GABRB3: variants seen among roughly 807,000 people sequenced by gnomAD.
GABRB3 encodes the protein gamma-aminobutyric acid type A receptor subunit beta3, also known as gamma-aminobutyric acid receptor subunit beta-3.
GABRB3 carries 14 observed loss-of-function variants against 52.1 expected under a neutral mutation model. That is an observed-to-expected ratio of 0.27 (90% confidence interval 0.18 to 0.42). The LOEUF is 0.42. GABRB3 is among the 10% of genes least tolerant of loss of function. GABRB3 has a pLI of 1.00. For synonymous variants in GABRB3, 260 were observed against 232.3 expected (o/e 1.12, Z -1.08); for missense variants, 307 against 609.1 (o/e 0.50, Z 5.22).
At chr15:26,691,228 C>T (rs1165233871) in intron 3 of GABRB3, among the ~76,000 whole-genome samples, 2 of 152,084 alleles carry the variant, frequency 1.3e-5, no homozygotes, top group African/African-American at 4.8e-5. Context: ...CTCTTTTCCC[C>T]TTTTTAATAT....
intron 3 of GABRB3, among the ~76,000 whole-genome samples, chr15:26,680,189 G>T (rs1888193987): frequency 6.6e-6 from 1 of 152,204 alleles, no homozygotes; most frequent in African/African-American, 2.4e-5. Context: ...GTAGACTAAG[G>T]CTGCAGCATC....
upstream of GABRB3, chr15:26,773,089 A>T: frequency 1.1e-6 from 1 of 940,678 alleles, no homozygotes; most frequent in Non-Finnish European, 1.3e-6. Flanking sequence ...AGGAGGGCGG[A>T]GGGGGAGGGG....
chr15:26,705,450 A>G (rs1889068865), intron 3 of GABRB3, among the ~76,000 whole-genome samples: 1 of 152,254 alleles, frequency 6.6e-6, no homozygotes, highest in Admixed American at 6.5e-5. Flanking sequence ...AGACATAAAC[A>G]TAGTCCAGCC....
intron 3 of GABRB3, among the ~76,000 whole-genome samples, chr15:26,765,819 A>G (rs2140190451): frequency 6.6e-6 from 1 of 152,354 alleles, no homozygotes; most frequent in East Asian, 1.9e-4. Context: ...TGTCTAATTT[A>G]GATAGCAGTG....
At position 26,546,511 on chromosome 15, in the gene GABRB3, G is replaced by A. The variant is rs1000004673; in HGVS notation, c.*1282C>T. 12 of 152,602 alleles carry A rather than the reference G, an allele frequency of 7.9e-5. No individual in the cohort carries two copies. Among genetic ancestry groups the A allele is most frequent in the African/African-American group, 2.9e-4 (12 of 41,516 alleles). 9.5% of individuals were successfully genotyped at this position (152,602 alleles called of 1,614,324 possible). ...ACGGTCATGGGTCGTTGGGTGACGC[G>A]TGGTGTGTACGGGTCATGTTCCTGC... On this transcript the variant is annotated 3_prime_UTR_variant, in exon 9 of 9. Transcript: ENST00000311550.
chr15:26,744,219 T>C (rs1365462848), intron 3 of GABRB3, among the ~76,000 whole-genome samples: 1 of 152,186 alleles, frequency 6.6e-6, no homozygotes, highest in East Asian at 1.9e-4. Context: ...GGTTGAGTAT[T>C]TGAATTTGAT....
chr15:26,664,704 G>GTTTTTTTTTTTTTTTT (rs1162139952), intron 3 of GABRB3, among the ~76,000 whole-genome samples: 2 of 95,224 alleles, frequency 2.1e-5, no homozygotes, highest in Non-Finnish European at 3.8e-5. Flanking sequence ...TCTTTTCTTT[G>GTTTTTTTTTTTTTTTT]TTTTTTTTTT....
At chr15:26,581,271 A>G (rs2140732638) in intron 5 of GABRB3, 1 of 152,970 alleles carries the variant, frequency 6.5e-6, no homozygotes, top group East Asian at 1.9e-4. Flanking sequence ...CGAGAACAAT[A>G]TTATCTCAAT....
At chr15:26,647,130 A>G (rs911347059) in intron 3 of GABRB3, among the ~76,000 whole-genome samples, 3 of 152,234 alleles carry the variant, frequency 2.0e-5, no homozygotes, top group African/African-American at 7.2e-5. Context: ...GGCATGAGCC[A>G]CTGCACCCAG....
intron 8 of GABRB3, among the ~76,000 whole-genome samples, chr15:26,549,591 C>T (rs1889383889): frequency 6.6e-6 from 1 of 152,148 alleles, no homozygotes; most frequent in Non-Finnish European, 1.5e-5. Context: ...GAGTTATTTT[C>T]AGTTGCCATG....
intron 3 of GABRB3, among the ~76,000 whole-genome samples, chr15:26,731,802 G>A (rs933220165): frequency 1.3e-5 from 2 of 152,198 alleles, no homozygotes; most frequent in Non-Finnish European, 2.9e-5. Flanking sequence ...ATACCATTTA[G>A]CGGTGTTTTT....
At chr15:26,664,002 C>T (rs1300780362) in intron 3 of GABRB3, among the ~76,000 whole-genome samples, 2 of 152,112 alleles carry the variant, frequency 1.3e-5, no homozygotes, top group South Asian at 4.1e-4. Flanking sequence ...CTATTAAGTC[C>T]TTTTATTCTC....
In GABRB3 at chr15:26,544,357, A is replaced by C. The variant is rs963955262; in HGVS notation, c.*3436T>G. 2.0e-5 allele frequency: 3 copies of C among 152,614 alleles called. No individual in the cohort carries two copies. The highest frequency in any genetic ancestry group is 1.3e-4 in the Admixed American group (2 of 15,280). 9.5% of individuals were successfully genotyped at this position (152,614 alleles called of 1,614,324 possible). ...CTCGTTTGGCATCACCTTTGAGATG[A>C]TCTCCTCAGTAAAAATGTCAACGCT... On this transcript the variant is annotated 3_prime_UTR_variant, in exon 9 of 9. Transcript: ENST00000311550.
At chr15:26,678,097 G>A (rs1001823609) in intron 3 of GABRB3, among the ~76,000 whole-genome samples, 3 of 152,210 alleles carry the variant, frequency 2.0e-5, no homozygotes, top group Non-Finnish European at 4.4e-5. Context: ...CAAAACAAGA[G>A]TGAGAGCAGA....
At chr15:26,721,725 T>C (rs1208356742) in intron 3 of GABRB3, among the ~76,000 whole-genome samples, 1 of 151,850 alleles carries the variant, frequency 6.6e-6, no homozygotes, top group Non-Finnish European at 1.5e-5. Flanking sequence ...CACCACAAAA[T>C]ATAGAGCCCA....
chr15:26,699,891 C>T (rs1004272340), intron 3 of GABRB3, among the ~76,000 whole-genome samples: 14 of 144,780 alleles, frequency 9.7e-5, no homozygotes, highest in South Asian at 6.6e-4. Flanking sequence ...TCTATTTTTT[C>T]AAAAAAAAAA....
intron 8 of GABRB3, among the ~76,000 whole-genome samples, chr15:26,555,455 C>T (rs920755004): frequency 2.6e-5 from 4 of 152,132 alleles, no homozygotes; most frequent in African/African-American, 7.2e-5. Context: ...TCTTCCCCAG[C>T]GCTGTGGCCA....
chr15:26,554,176 G>A (rs1423152046), intron 8 of GABRB3, among the ~76,000 whole-genome samples: 6,403 of 26,948 alleles, frequency 0.24, 1,168 homozygotes, highest in Middle Eastern at 0.39. Flanking sequence ...TATATATAAA[G>A]TATATATATA....
chr15:26,547,642 C>T lies in GABRB3; in HGVS notation c.*151G>A. ...TATACACGTGTATTTTATATATATG[C>T]TGAGAAAGTTCACATATATATACAA... On this transcript the variant is annotated 3_prime_UTR_variant, in exon 9 of 9. Transcript: ENST00000311550. 1.5e-6 allele frequency: 1 copy of T among 647,758 alleles called. No homozygotes were observed. Among genetic ancestry groups the T allele is most frequent in the Non-Finnish European group, 2.7e-6 (1 of 366,566 alleles). The allele number at this position is 647,758 out of a possible 1,614,324, so 40.1% of individuals were successfully genotyped here.
Sources: allele counts gnomAD v4.1 joint callset (sites outside exome capture counted in the v4.1 genomes callset), GRCh38; gene constraint gnomAD v4.1.1; transcripts MANE v1.5; gene names NCBI Gene and HGNC (gene_info 2026-07-23, HGNC 2026-07-21).